SLIT2: variants seen among roughly 807,000 people sequenced by gnomAD.
The protein encoded by SLIT2 is slit homolog 2 protein.
A neutral mutation model predicts 185.7 loss-of-function variants in SLIT2; 41 were observed. The ratio of observed to expected loss-of-function variants is 0.22; its 90% CI spans 0.17 to 0.29. The LOEUF (loss-of-function observed/expected upper bound fraction) is 0.29. Among genes scored for constraint, SLIT2 ranks in the 10% least tolerant of loss-of-function variants. The pLI is 1.00. For synonymous variants in SLIT2, 693 were observed against 680.2 expected (o/e 1.02, Z -0.29); for missense variants, 1,571 against 1,909.0 (o/e 0.82, Z 3.30).
intron 8 of SLIT2, among the ~76,000 whole-genome samples, chr4:20,490,170 A>C (rs1717651309): frequency 6.6e-6 from 1 of 152,200 alleles, no homozygotes; most frequent in African/African-American, 2.4e-5. Context: ...GCTAACGTTT[A>C]CTGAGTTTTT....
intron 4 of SLIT2, among the ~76,000 whole-genome samples, chr4:20,340,611 T>C (rs1382413117): frequency 1.3e-5 from 2 of 152,178 alleles, no homozygotes; most frequent in East Asian, 1.9e-4. Context: ...AATAAATATA[T>C]ATTTTTTGAG....
At chr4:20,488,384 G>A (rs1184836926) in intron 7 of SLIT2, among the ~76,000 whole-genome samples, 2 of 152,116 alleles carry the variant, frequency 1.3e-5, no homozygotes, top group Non-Finnish European at 2.9e-5. Context: ...TTTTATAAGC[G>A]GTTTCTATAG....
chr4:20,392,674 T>A (rs1172418579), intron 4 of SLIT2, among the ~76,000 whole-genome samples: 1 of 152,118 alleles, frequency 6.6e-6, no homozygotes. Flanking sequence ...TTATAAGTGC[T>A]TTTCTATTTT....
Position 20,272,836 on chromosome 4 carries a change from T to G in SLIT2, c.395+3955T>G, listed in dbSNP as rs538331119. ...TCTACTTCTTTGAATGAAAACTTTT[T>G]ACTTCTGGTTCTCAAGTGCCATTCA... On this transcript the variant is annotated intron_variant, in intron 4 of 36. Transcript: ENST00000504154. Among the ~76,000 whole-genome samples the G allele has an allele frequency of 7.9e-5, 12 of 152,274 alleles. No individual in the cohort carries two copies. In the East Asian group the frequency reaches 2.3e-3, roughly 29 times the overall value.
At chr4:20,610,210 T>G in intron 34 of SLIT2, 43 bp downstream of exon 34, 1 of 1,571,474 alleles carries the variant, frequency 6.4e-7, no homozygotes, top group Non-Finnish European at 8.7e-7. Context: ...AACCCTGTGA[T>G]TCTCATTATG....
At chr4:20,257,827 G>A in intron 2 of SLIT2, 41 bp from the exon 3 acceptor site, 1 of 950,150 alleles carries the variant, frequency 1.1e-6, no homozygotes, top group Non-Finnish European at 1.7e-6. Context: ...TTCAGATGGT[G>A]AGTGGTAACA....
In SLIT2 at chr4:20,463,513, A is replaced by ATGTG. The variant is rs202173983; in HGVS notation, c.396-4238_396-4237insGTGT. ...TATATGTGTGTGTGCGTATATCCAT[A>ATGTG]TATGTGTGTGTGTGTGTGTGTGTGT... On this transcript the variant is annotated intron_variant, in intron 4 of 36. Coordinates refer to ENST00000504154, the MANE Select transcript of SLIT2 (RefSeq NM_004787.4). Among the ~76,000 whole-genome samples, 314 of 99,590 alleles carry ATGTG rather than the reference A, an allele frequency of 3.2e-3. 4 individuals carry two copies. The highest frequency in any genetic ancestry group is 0.011 in the East Asian group (44 of 3,976). 65.3% of individuals were successfully genotyped at this position (99,590 alleles called of 152,430 possible).
At chr4:20,439,724 C>T (rs1729603169) in intron 4 of SLIT2, among the ~76,000 whole-genome samples, 1 of 152,104 alleles carries the variant, frequency 6.6e-6, no homozygotes, top group Admixed American at 6.6e-5. Context: ...TAATGGTAGG[C>T]CTTTGATTCA....
chr4:20,326,640 T>C lies in SLIT2; in HGVS notation c.395+57759T>C, dbSNP rs1299917348. ...ACCTCTTTTAGTAAGACTTACTTAA[T>C]GAACTCTAAGTGACTCTTATTCTGA... On this transcript the variant is annotated intron_variant, in intron 4 of 36. Transcript: ENST00000504154. Among the ~76,000 whole-genome samples, 7 of 152,074 alleles carry C rather than the reference T, an allele frequency of 4.6e-5. No homozygotes were observed. In the East Asian group the frequency reaches 1.4e-3, roughly 29 times the overall value.
At chr4:20,324,581 T>C (rs1240153499) in intron 4 of SLIT2, among the ~76,000 whole-genome samples, 1 of 152,164 alleles carries the variant, frequency 6.6e-6, no homozygotes, top group Non-Finnish European at 1.5e-5. Flanking sequence ...GTGATGACTA[T>C]AGTTGATGAC....
chr4:20,447,885 A>G lies in SLIT2; in HGVS notation c.396-19867A>G, dbSNP rs776321186. Among the ~76,000 whole-genome samples the G allele has an allele frequency of 2.0e-5, 3 of 152,236 alleles. No individual in the cohort carries two copies. The South Asian group carries it at 6.2e-4, about 31-fold the overall frequency. On this transcript the variant is annotated intron_variant, in intron 4 of 36. Transcript: ENST00000504154. The stretch of plus-strand genomic sequence containing the variant: ...TTGGAGTTTTTCAGCTACTTTACTC[A>G]TTGGATATTTGAGGAGAAAAAAGGA...
At chr4:20,513,736 T>TGC (rs1553915739) in intron 11 of SLIT2, among the ~76,000 whole-genome samples, 8 of 151,922 alleles carry the variant, frequency 5.3e-5, no homozygotes, top group African/African-American at 1.9e-4. Flanking sequence ...TAGCTGTGGT[T>TGC]GGCGGGGGGA....
intron 4 of SLIT2, among the ~76,000 whole-genome samples, chr4:20,432,403 G>A (rs762391076): frequency 5.3e-5 from 8 of 151,962 alleles, no homozygotes; most frequent in Non-Finnish European, 7.4e-5. Flanking sequence ...AGAAAAGGCA[G>A]ACAAAATAGG....
chr4:20,578,954 G>T (rs1244601481), intron 29 of SLIT2, among the ~76,000 whole-genome samples: 1 of 152,130 alleles, frequency 6.6e-6, no homozygotes, highest in Non-Finnish European at 1.5e-5. Context: ...AATAAGCCTA[G>T]ATGAGACATC....
chr4:20,293,151 G>A (rs1716132710), intron 4 of SLIT2, among the ~76,000 whole-genome samples: 1 of 152,220 alleles, frequency 6.6e-6, no homozygotes, highest in Non-Finnish European at 1.5e-5. Context: ...TAAGTTTGCA[G>A]TATTAGGTTA....
intron 11 of SLIT2, among the ~76,000 whole-genome samples, chr4:20,517,975 A>G (rs1720362244): frequency 6.6e-6 from 1 of 151,478 alleles, no homozygotes. Flanking sequence ...TTTTAGAGAT[A>G]TATTAAAATA....
At chr4:20,357,386 A>C (rs1483657126) in intron 4 of SLIT2, among the ~76,000 whole-genome samples, 1 of 152,122 alleles carries the variant, frequency 6.6e-6, no homozygotes, top group East Asian at 1.9e-4. Context: ...AATACAGTTG[A>C]TTTTACTTGT....
At chr4:20,529,708 A>T (rs1721613099) in intron 16 of SLIT2, among the ~76,000 whole-genome samples, 1 of 152,224 alleles carries the variant, frequency 6.6e-6, no homozygotes, top group South Asian at 2.1e-4. Context: ...TTGTTGGAGC[A>T]CTTACAGATT....
intron 19 of SLIT2, 65 bp downstream of exon 19, chr4:20,539,649 A>T: frequency 4.7e-6 from 5 of 1,059,474 alleles, no homozygotes; most frequent in Non-Finnish European, 5.3e-6. Flanking sequence ...AATGTATTTA[A>T]TATATTATTA....
Sources: allele counts gnomAD v4.1 joint callset (sites outside exome capture counted in the v4.1 genomes callset), GRCh38; gene constraint gnomAD v4.1.1; transcripts MANE v1.5; gene names NCBI Gene and HGNC (gene_info 2026-07-23, HGNC 2026-07-21).